Variants in HNRNPUL2 observed in about 807,000 individuals in gnomAD.
HNRNPUL2 encodes heterogeneous nuclear ribonucleoprotein U-like protein 2.
Under a neutral mutation model 102.2 loss-of-function variants are expected in HNRNPUL2, and 27 were observed. The observed-to-expected ratio is 0.26, with a 90% CI of 0.19 to 0.36. The LOEUF is 0.36. Ranked by LOEUF, HNRNPUL2 falls within the 10% of genes least tolerant of loss-of-function variation. HNRNPUL2 has a pLI of 1.00. For synonymous variants in HNRNPUL2, 458 were observed against 387.2 expected (o/e 1.18, Z -2.15); for missense variants, 936 against 981.1 (o/e 0.95, Z 0.61).
At chr11:62,716,531 C>T (rs926488946) in intron 11 of HNRNPUL2, among the ~76,000 whole-genome samples, 9 of 152,144 alleles carry the variant, frequency 5.9e-5, no homozygotes, top group African/African-American at 1.7e-4. Flanking sequence ...GCCTAACTTG[C>T]TTGGTTAAGT....
At position 62,715,396 on chromosome 11, in the gene HNRNPUL2, C is replaced by A. The variant is rs1226630985; in HGVS notation, c.2164-17G>T. The A allele has an allele frequency of 1.2e-6, 2 of 1,609,712 alleles. No homozygotes were observed. The highest frequency in any genetic ancestry group is 2.2e-5 in the South Asian group (2 of 90,958). ...ACTCTGCCACTAGAAGAGAGGGAAA[C>A]CCCATCACTTGGAGCCAGAGCTGGC... On this transcript the variant is annotated splice_polypyrimidine_tract_variant and intron_variant, in intron 13 of 13. Coordinates refer to ENST00000301785, the MANE Select transcript of HNRNPUL2 (RefSeq NM_001079559.3).
intron 4 of HNRNPUL2, 120 bp from the exon 5 acceptor site, chr11:62,723,023 A>C (rs1053105896): frequency 1.4e-6 from 1 of 703,880 alleles, no homozygotes; most frequent in African/African-American, 1.8e-5. Context: ...TCAACATCAG[A>C]ATAACAATCA....
intron 10 of HNRNPUL2, among the ~76,000 whole-genome samples, chr11:62,717,630 C>CGGACTGCTTGAGGTCAGGA (rs1342143119): frequency 2.0e-5 from 3 of 152,162 alleles, no homozygotes; most frequent in Admixed American, 2.0e-4. Context: ...CCAAGGCAGG[C>CGGACTGCTTGAGGTCAGGA]GGACTGCTTG....
intron 3 of HNRNPUL2, 67 bp downstream of exon 3, chr11:62,723,847 G>C: frequency 6.3e-7 from 1 of 1,597,318 alleles, no homozygotes; most frequent in Non-Finnish European, 8.6e-7. Flanking sequence ...AGGCTATGAA[G>C]TTTTAATCTC....
Position 62,720,018 on chromosome 11 carries a change from C to T in HNRNPUL2, c.1780+5G>A. The T allele has an allele frequency of 6.2e-7, 1 of 1,613,520 alleles. No individual in the cohort carries two copies. The highest frequency in any genetic ancestry group is 1.6e-4 in the Middle Eastern group (1 of 6,062). On this transcript the variant is annotated splice_donor_5th_base_variant and intron_variant, in intron 10 of 13. Coordinates refer to ENST00000301785, the MANE Select transcript of HNRNPUL2 (RefSeq NM_001079559.3). ...TAGCAGCAGAAAATGGACTAAGACA[C>T]CCACCTTTCATCTCCAGCATTATAG...
rs1306231157 is a variant in HNRNPUL2 at position 62,713,526 on chromosome 11, T to TA, written c.*1772dup. 1.3e-5 allele frequency: 2 copies of TA among 152,172 alleles called. No individual in the cohort carries two copies. Among genetic ancestry groups the TA allele is most frequent in the East Asian group, 3.8e-4 (2 of 5,202 alleles). 9.4% of individuals were successfully genotyped at this position (152,172 alleles called of 1,614,324 possible). On this transcript the variant is annotated 3_prime_UTR_variant, in exon 14 of 14. Transcript: ENST00000301785. ...CCAAGAGAAAGGACATGACTATGAG[T>TA]AAGCAAACTTATCTCCTACCAGCCC...
In HNRNPUL2 at chr11:62,722,877, T is replaced by C; in HGVS notation, c.918A>G (p.Glu306=). The change falls in exon 5 of 14, where the codon GAA becomes GAG. Residue 306 remains glutamate, a synonymous_variant. Transcript: ENST00000301785. ...AKVTQNLPMK[E]GCTEVSLLRV... ...GAAGGAGAGAGACCTCTGTGCAGCC[T>C]TCTTTCATTGGGAGATTCTGGGTTA... 2 of 1,614,176 alleles carry C rather than the reference T, an allele frequency of 1.2e-6. No individual in the cohort carries two copies. Among genetic ancestry groups the C allele is most frequent in the Non-Finnish European group, 1.7e-6 (2 of 1,180,018 alleles).
In HNRNPUL2 at chr11:62,726,816, G is replaced by A. The variant is rs1289561555; in HGVS notation, c.341C>T (p.Pro114Leu). The A allele has an allele frequency of 1.3e-6, 2 of 1,592,220 alleles. No individual in the cohort carries two copies. The highest frequency in any genetic ancestry group is 1.7e-5 in the Admixed American group (1 of 58,918). ...GQAAQPPPEPPEAAAMEAAAE... is the reference protein window; with the variant it reads ...GQAAQPPPEPLEAAAMEAAAE... ...CGCGGCCTCCATGGCTGCCGCCTCC[G>A]GGGGCTCCGGCGGCGGCTGCGCGGC... is the stretch of plus-strand genomic sequence containing the variant. Residue 114 changes from proline to leucine, a missense_variant, in exon 1 of 14, where the codon CCG becomes CTG. By Grantham distance (98) the Pro-to-Leu change is moderately conservative (BLOSUM62 -3). Coordinates refer to ENST00000301785, the MANE Select transcript of HNRNPUL2 (RefSeq NM_001079559.3).
intron 11 of HNRNPUL2, 28 bp downstream of exon 11, chr11:62,716,961 A>T: frequency 6.2e-7 from 1 of 1,610,394 alleles, no homozygotes; most frequent in Non-Finnish European, 8.5e-7. Flanking sequence ...GGACTGAAGT[A>T]GGGGGCTGGC....
intron 11 of HNRNPUL2, among the ~76,000 whole-genome samples, chr11:62,716,467 TG>T (rs1356404734): frequency 6.6e-6 from 1 of 152,182 alleles, no homozygotes. Context: ...GAATGCACAC[TG>T]GGGTTTTAAC....
intron 4 of HNRNPUL2, among the ~76,000 whole-genome samples, chr11:62,723,384 G>A (rs192393311): frequency 2.0e-5 from 3 of 152,092 alleles, no homozygotes; most frequent in African/African-American, 7.2e-5. Flanking sequence ...CCAGCTCCTC[G>A]GGAGGCTGAG....
chr11:62,715,893 G>A lies in HNRNPUL2; in HGVS notation c.2026C>T (p.Gln676Ter). The A allele has an allele frequency of 6.2e-7, 1 of 1,613,302 alleles. No individual in the cohort carries two copies. The highest frequency in any genetic ancestry group is 8.5e-7 in the Non-Finnish European group (1 of 1,179,716). ...CTGTTTCCAGGCTGCCCCCAGTACTGCTGCCCGTAGGCCCGGTTGTCGTAG... is the reference window on the plus strand; with the variant it reads ...CTGTTTCCAGGCTGCCCCCAGTACTACTGCCCGTAGGCCCGGTTGTCGTAG... ...RGYDNRAYGQ[Q>*]YWGQPGNRGG... Residue 676 changes from glutamine to a stop codon, truncating the protein, a stop_gained, in exon 12 of 14, where the codon CAG becomes TAG. Transcript: ENST00000301785. LOFTEE classifies it high-confidence loss of function.
chr11:62,726,902 G>GTCC lies in HNRNPUL2; in HGVS notation c.252_254dup (p.Glu84dup), dbSNP rs746596459. On this transcript the variant is annotated inframe_insertion, in exon 1 of 14. Transcript: ENST00000301785. ...CCTCGTCCTCAAGCAGCGCCTCCTC[G>GTCC]TCCTCCTCCTCCTCCTCTTCGTCCT... The GTCC allele has an allele frequency of 1.9e-5, 30 of 1,556,002 alleles. No homozygotes were observed. Among genetic ancestry groups the GTCC allele is most frequent in the East Asian group, 4.9e-5 (2 of 40,830 alleles).
chr11:62,722,089 C>G (rs759958095), intron 7 of HNRNPUL2, 28 bp downstream of exon 7: 13 of 1,608,594 alleles, frequency 8.1e-6, no homozygotes, highest in Non-Finnish European at 7.7e-6. Flanking sequence ...AGCATACAAC[C>G]TCAGTGTTCG....
chr11:62,722,759 G>T, intron 5 of HNRNPUL2, 46 bp from the exon 6 acceptor site: 1 of 1,599,238 alleles, frequency 6.3e-7, no homozygotes. Context: ...ACTTCCCATA[G>T]AGTAAGCAAT....
At position 62,720,273 on chromosome 11, in the gene HNRNPUL2, C is replaced by T. The variant is rs180788734; in HGVS notation, c.1612-82G>A. ...CAAAAGAATCAGTATCAGCTGGGCA[C>T]GGTGGCTCACGCCTGTAATCCTAGC... On this transcript the variant is annotated intron_variant, in intron 9 of 13. Transcript: ENST00000301785. 9.5e-5 allele frequency: 127 copies of T among 1,339,590 alleles called. 1 individual carries two copies. The African/African-American group carries it at 1.6e-3, about 17-fold the overall frequency. The allele number at this position is 1,339,590 out of a possible 1,614,324, so 83.0% of individuals were successfully genotyped here.
chr11:62,714,001 G>A lies in HNRNPUL2; in HGVS notation c.*1298C>T, dbSNP rs1054552091. 6 of 152,204 alleles carry A rather than the reference G, an allele frequency of 3.9e-5. No homozygotes were observed. The highest frequency in any genetic ancestry group is 1.2e-4 in the African/African-American group (5 of 41,424). 9.4% of individuals were successfully genotyped at this position (152,204 alleles called of 1,614,324 possible). Reference sequence around the variant, plus strand: ...GCTCCTGGCTAGAGGCCTCTCTGGGGACACACAGGGAAAGCGCCCCAAAAG... The same window carrying A: ...GCTCCTGGCTAGAGGCCTCTCTGGGAACACACAGGGAAAGCGCCCCAAAAG... On this transcript the variant is annotated 3_prime_UTR_variant, in exon 14 of 14. Transcript: ENST00000301785.
chr11:62,715,270 A>C lies in HNRNPUL2; in HGVS notation c.*29T>G, dbSNP rs773076859. On this transcript the variant is annotated 3_prime_UTR_variant, in exon 14 of 14. Transcript: ENST00000301785. The stretch of plus-strand genomic sequence containing the variant: ...CTGGCACCCCCAGAGATTCAGCTTC[A>C]TGGCTGACAGGTGACCATGGCAGGG... 3.5e-5 allele frequency: 55 copies of C among 1,584,314 alleles called. No individual in the cohort carries two copies. The highest frequency in any genetic ancestry group is 4.6e-5 in the Non-Finnish European group (53 of 1,158,360).
In HNRNPUL2 at chr11:62,715,416, G is replaced by A. The variant is rs776478075; in HGVS notation, c.2164-37C>T. ...GGAAACCCCATCACTTGGAGCCAGAGCTGGCTGAGGATGAAGAGGCATAAC... is the reference window on the plus strand; with the variant it reads ...GGAAACCCCATCACTTGGAGCCAGAACTGGCTGAGGATGAAGAGGCATAAC... On this transcript the variant is annotated intron_variant, in intron 13 of 13. Coordinates refer to ENST00000301785, the MANE Select transcript of HNRNPUL2 (RefSeq NM_001079559.3). The A allele has an allele frequency of 1.9e-6, 3 of 1,596,342 alleles. No homozygotes were observed. In the South Asian group the frequency reaches 3.3e-5, roughly 18 times the overall value.
Sources: allele counts gnomAD v4.1 joint callset (sites outside exome capture counted in the v4.1 genomes callset), GRCh38; gene constraint gnomAD v4.1.1; transcripts MANE v1.5; gene names NCBI Gene and HGNC (gene_info 2026-07-23, HGNC 2026-07-21).